The following CLSTN2 variants were observed in gnomAD, a reference collection of about 807,000 sequenced individuals.
CLSTN2 encodes the protein calsyntenin 2.
Under a neutral mutation model 101.2 loss-of-function variants are expected in CLSTN2, and 48 were observed. That is an observed-to-expected ratio of 0.47 (90% CI 0.38 to 0.60). The LOEUF is 0.60. CLSTN2 is among the 20% of genes least tolerant of loss of function. The pLI is 0.00. For missense variants in CLSTN2, 1,160 were observed against 1,238.2 expected (o/e 0.94, Z 0.95); for synonymous variants, 481 against 463.6 (o/e 1.04, Z -0.48).
chr3:140,373,107 G>T (rs565097668), intron 2 of CLSTN2, among the ~76,000 whole-genome samples: 1 of 152,144 alleles, frequency 6.6e-6, no homozygotes, highest in Non-Finnish European at 1.5e-5. Flanking sequence ...AGCTAAAAAG[G>T]CTCTGAAAAG....
chr3:140,517,543 G>C (rs1186479111), intron 8 of CLSTN2, among the ~76,000 whole-genome samples: 1 of 152,168 alleles, frequency 6.6e-6, no homozygotes, highest in African/African-American at 2.4e-5. Context: ...CCTTCCCCTA[G>C]GGATGTGGCT....
At chr3:140,484,102 A>G (rs921754588) in intron 8 of CLSTN2, among the ~76,000 whole-genome samples, 30 of 152,070 alleles carry the variant, frequency 2.0e-4, no homozygotes, top group African/African-American at 6.3e-4. Context: ...GGCTGGTACC[A>G]GTTGTTCCTT....
intron 1 of CLSTN2, among the ~76,000 whole-genome samples, chr3:140,136,310 A>G (rs1295167021): frequency 1.3e-5 from 2 of 152,022 alleles, no homozygotes; most frequent in Non-Finnish European, 2.9e-5. Context: ...ACTTAACTCC[A>G]CCTCTTAATA....
chr3:140,268,390 C>G (rs1010222780), intron 2 of CLSTN2, among the ~76,000 whole-genome samples: 1 of 152,188 alleles, frequency 6.6e-6, no homozygotes, highest in Admixed American at 6.5e-5. Context: ...TCAGTCTTTC[C>G]TCTGAGGAAG....
At chr3:139,960,862 A>G (rs1339040721) in intron 1 of CLSTN2, among the ~76,000 whole-genome samples, 1 of 152,224 alleles carries the variant, frequency 6.6e-6, no homozygotes, top group African/African-American at 2.4e-5. Context: ...CTCGTGAAAC[A>G]CATTGTTTAG....
intron 1 of CLSTN2, among the ~76,000 whole-genome samples, chr3:140,143,013 T>C (rs1174205054): frequency 2.6e-5 from 4 of 152,282 alleles, no homozygotes; most frequent in African/African-American, 9.6e-5. Context: ...CAGAGCCATA[T>C]TTTTTCATCT....
intron 2 of CLSTN2, among the ~76,000 whole-genome samples, chr3:140,212,488 A>G (rs2010870060): frequency 2.0e-5 from 3 of 152,222 alleles, no homozygotes; most frequent in Non-Finnish European, 4.4e-5. Flanking sequence ...TAGAATGCCT[A>G]TAGGCCCTGT....
At chr3:140,397,893 T>C (rs2088201649) in intron 2 of CLSTN2, among the ~76,000 whole-genome samples, 1 of 147,902 alleles carries the variant, frequency 6.8e-6, no homozygotes, top group South Asian at 2.2e-4. Context: ...CATTGTTAAG[T>C]GGTTCCTTCA....
At chr3:140,195,772 T>C (rs1168610834) in intron 2 of CLSTN2, among the ~76,000 whole-genome samples, 1 of 152,214 alleles carries the variant, frequency 6.6e-6, no homozygotes, top group African/African-American at 2.4e-5. Flanking sequence ...GAATTTTACT[T>C]GAAGTTACCT....
At chr3:140,533,168 A>C (rs1431304470) in intron 9 of CLSTN2, among the ~76,000 whole-genome samples, 1 of 152,192 alleles carries the variant, frequency 6.6e-6, no homozygotes, top group East Asian at 1.9e-4. Context: ...CGGCTCTCCA[A>C]GCATGCGTGT....
At chr3:140,292,566 A>T (rs1408856575) in intron 2 of CLSTN2, among the ~76,000 whole-genome samples, 1 of 152,178 alleles carries the variant, frequency 6.6e-6, no homozygotes, top group Non-Finnish European at 1.5e-5. Context: ...ATCTCTAGTT[A>T]CCCCAGCACT....
chr3:140,160,302 C>T (rs764319409), intron 1 of CLSTN2, among the ~76,000 whole-genome samples: 13 of 152,092 alleles, frequency 8.5e-5, no homozygotes, highest in Admixed American at 7.9e-4. Context: ...AAAGACATGA[C>T]ATCTATCTTA....
intron 2 of CLSTN2, among the ~76,000 whole-genome samples, chr3:140,349,215 G>A (rs999638438): frequency 2.6e-5 from 4 of 152,102 alleles, no homozygotes; most frequent in Admixed American, 2.6e-4. Context: ...GTTTCCTGAG[G>A]CCTCTTCAGC....
intron 1 of CLSTN2, among the ~76,000 whole-genome samples, chr3:139,948,449 A>G (rs1198465250): frequency 1.3e-5 from 2 of 151,696 alleles, no homozygotes. Flanking sequence ...TGGGTGACAG[A>G]GCGACTCCAT....
chr3:140,215,851 T>C (rs1343047694), intron 2 of CLSTN2, among the ~76,000 whole-genome samples: 3 of 152,234 alleles, frequency 2.0e-5, no homozygotes, highest in Non-Finnish European at 2.9e-5. Context: ...ACTCAATATG[T>C]ATTATCTAAT....
chr3:140,190,470 A>C (rs992972919), intron 2 of CLSTN2, among the ~76,000 whole-genome samples: 3 of 149,288 alleles, frequency 2.0e-5, no homozygotes, highest in Non-Finnish European at 4.4e-5. Context: ...AAATCCTGCA[A>C]GGATTCTGAT....
At chr3:140,310,052 G>T (rs1418908269) in intron 2 of CLSTN2, among the ~76,000 whole-genome samples, 1 of 152,000 alleles carries the variant, frequency 6.6e-6, no homozygotes, top group Non-Finnish European at 1.5e-5. Flanking sequence ...GCCTTCTCTG[G>T]TTTCCCTTTC....
chr3:140,413,307 A>G (rs1443153252), intron 4 of CLSTN2, among the ~76,000 whole-genome samples: 2 of 152,196 alleles, frequency 1.3e-5, no homozygotes, highest in African/African-American at 4.8e-5. Context: ...AAAAATAGAT[A>G]AGTTCCTAAG....
At chr3:140,071,546 A>C (rs1273535255) in intron 1 of CLSTN2, among the ~76,000 whole-genome samples, 7 of 152,174 alleles carry the variant, frequency 4.6e-5, no homozygotes, top group Non-Finnish European at 8.8e-5. Flanking sequence ...TAAAAAATGA[A>C]AAAGGCCGGG....
Sources: allele counts gnomAD v4.1 joint callset (sites outside exome capture counted in the v4.1 genomes callset), GRCh38; gene constraint gnomAD v4.1.1; transcripts MANE v1.5; gene names NCBI Gene and HGNC (gene_info 2026-07-23, HGNC 2026-07-21).